NPSR1: variants seen among roughly 807,000 people sequenced by gnomAD.
NPSR1 encodes the protein neuropeptide S receptor.
NPSR1 carries 48 observed loss-of-function variants against 46.9 expected under a neutral mutation model. The observed-to-expected ratio is 1.02, with a 90% CI of 0.81 to 1.30. The LOEUF is 1.30. Ranked by LOEUF, NPSR1 falls within the 50% of genes most tolerant of loss-of-function variation. NPSR1 has a pLI of 0.00. For missense variants in NPSR1, 450 were observed against 449.5 expected (o/e 1.00, Z -0.01); for synonymous variants, 176 against 168.1 (o/e 1.05, Z -0.36).
intron 2 of NPSR1, among the ~76,000 whole-genome samples, chr7:34,726,753 C>A (rs1338854780): frequency 6.8e-6 from 1 of 147,286 alleles, no homozygotes; most frequent in African/African-American, 2.5e-5. Context: ...AGTCAATCTG[C>A]AAAGACTACA....
At chr7:34,708,109 T>G (rs1794200254) in intron 2 of NPSR1, among the ~76,000 whole-genome samples, 1 of 152,146 alleles carries the variant, frequency 6.6e-6, no homozygotes, top group African/African-American at 2.4e-5. Context: ...TCTAAGCATG[T>G]CACATTGTGA....
chr7:34,683,567 G>T (rs566328661), intron 1 of NPSR1, among the ~76,000 whole-genome samples: 3 of 151,972 alleles, frequency 2.0e-5, no homozygotes, highest in Non-Finnish European at 2.9e-5. Flanking sequence ...GAATACCCAA[G>T]ACTGAGTAAT....
At chr7:34,699,841 A>G (rs1348482115) in intron 2 of NPSR1, among the ~76,000 whole-genome samples, 1 of 152,190 alleles carries the variant, frequency 6.6e-6, no homozygotes, top group Non-Finnish European at 1.5e-5. Context: ...CAGGGAACAG[A>G]GGTGCTAGAA....
intron 1 of NPSR1, among the ~76,000 whole-genome samples, chr7:34,684,314 A>T (rs1436801053): frequency 6.6e-6 from 1 of 152,252 alleles, no homozygotes; most frequent in Non-Finnish European, 1.5e-5. Flanking sequence ...TTACCTGACC[A>T]AAGAATACAA....
intron 8 of NPSR1, 22 bp downstream of exon 8, chr7:34,848,685 G>A: frequency 1.9e-6 from 3 of 1,606,558 alleles, no homozygotes; most frequent in East Asian, 2.2e-5. Flanking sequence ...TCTTGCATGG[G>A]TCAGACACAC....
intron 1 of NPSR1, among the ~76,000 whole-genome samples, chr7:34,682,630 C>T (rs1406629160): frequency 2.0e-5 from 3 of 152,184 alleles, no homozygotes; most frequent in Non-Finnish European, 4.4e-5. Flanking sequence ...TGGGAAGTGT[C>T]AGTCTACGAC....
intron 3 of NPSR1, among the ~76,000 whole-genome samples, chr7:34,785,181 C>A (rs1787404368): frequency 1.3e-5 from 2 of 151,796 alleles, no homozygotes; most frequent in African/African-American, 4.8e-5. Flanking sequence ...CACATATACA[C>A]CACGGAATAC....
At chr7:34,860,069 G>A (rs1464588662) in intron 8 of NPSR1, among the ~76,000 whole-genome samples, 1 of 141,950 alleles carries the variant, frequency 7.0e-6, no homozygotes, top group Non-Finnish European at 1.6e-5. Context: ...TTCCACTAGA[G>A]ATTTAAATGC....
chr7:34,811,900 C>T, intron 4 of NPSR1, 37 bp downstream of exon 4: 5 of 1,392,866 alleles, frequency 3.6e-6, no homozygotes, highest in Non-Finnish European at 5.1e-6. Flanking sequence ...TCATAAAGAA[C>T]TGTCCTTGAG....
intron 1 of NPSR1, among the ~76,000 whole-genome samples, chr7:34,676,019 G>A (rs935244578): frequency 5.3e-5 from 8 of 152,164 alleles, no homozygotes; most frequent in African/African-American, 1.9e-4. Context: ...TCAGCACAGT[G>A]TGGTGGGGGG....
chr7:34,733,454 T>C (rs924311597), intron 2 of NPSR1, among the ~76,000 whole-genome samples: 20 of 149,666 alleles, frequency 1.3e-4, no homozygotes, highest in African/African-American at 4.4e-4. Flanking sequence ...AAAGAAAAAA[T>C]GAATCCTTGC....
intron 2 of NPSR1, chr7:34,751,181 AG>A: frequency 9.1e-7 from 1 of 1,100,928 alleles, no homozygotes; most frequent in Non-Finnish European, 1.4e-6. Flanking sequence ...TGAGGAGTCC[AG>A]GGGTCCACCA....
At chr7:34,843,525 A>G (rs1344916229) in intron 6 of NPSR1, among the ~76,000 whole-genome samples, 1 of 152,214 alleles carries the variant, frequency 6.6e-6, no homozygotes, top group Non-Finnish European at 1.5e-5. Context: ...GGACATTCAA[A>G]CCATAGCAGC....
At chr7:34,742,835 T>C (rs2128719818) in intron 2 of NPSR1, among the ~76,000 whole-genome samples, 1 of 152,328 alleles carries the variant, frequency 6.6e-6, no homozygotes, top group East Asian at 1.9e-4. Flanking sequence ...TTTGACTTTT[T>C]AGTAATAGCC....
chr7:34,837,516 C>T (rs953922652), intron 6 of NPSR1, among the ~76,000 whole-genome samples: 5 of 152,186 alleles, frequency 3.3e-5, no homozygotes, highest in Non-Finnish European at 7.3e-5. Context: ...TGGCCCATTG[C>T]CCATTTCCCA....
intron 2 of NPSR1, among the ~76,000 whole-genome samples, chr7:34,722,159 AG>A (rs1375033811): frequency 6.6e-6 from 1 of 152,186 alleles, no homozygotes; most frequent in Non-Finnish European, 1.5e-5. Flanking sequence ...TTTCTAAATG[AG>A]GGTGTAATTT....
chr7:34,721,410 G>A (rs2128707792), intron 2 of NPSR1, among the ~76,000 whole-genome samples: 1 of 152,298 alleles, frequency 6.6e-6, no homozygotes, highest in South Asian at 2.1e-4. Flanking sequence ...AGACGGAGGA[G>A]GAGTCTTGTG....
At chr7:34,786,771 A>G (rs1024117825) in intron 3 of NPSR1, among the ~76,000 whole-genome samples, 3 of 152,126 alleles carry the variant, frequency 2.0e-5, no homozygotes, top group African/African-American at 7.2e-5. Flanking sequence ...GTGCACTGTC[A>G]ATGAGCAGTG....
At chr7:34,876,386 A>G (rs1388018459) in intron 8 of NPSR1, among the ~76,000 whole-genome samples, 7 of 152,222 alleles carry the variant, frequency 4.6e-5, no homozygotes, top group Non-Finnish European at 8.8e-5. Context: ...TGATATGCCA[A>G]TGAAATTAAC....
Sources: gnomAD v4.1 joint callset for allele counts (sites outside exome capture counted in the v4.1 genomes callset) on GRCh38, gnomAD v4.1.1 for gene constraint, MANE v1.5 for transcripts, NCBI Gene and HGNC (gene_info 2026-07-23, HGNC 2026-07-21) for gene names.